Variants in TG observed in about 807,000 individuals in gnomAD.
TG encodes the protein thyroid hormones.
In TG, 270 loss-of-function variants were observed where a neutral mutation model predicts 324.7. The ratio of observed to expected loss-of-function variants is 0.83; its 90% CI spans 0.75 to 0.92. The LOEUF is 0.92. Ranked by LOEUF, TG falls within the 40% of genes least tolerant of loss-of-function variation. The pLI, the probability that TG is intolerant of heterozygous loss-of-function variation, is 0.00. For missense variants in TG, 3,591 were observed against 3,456.4 expected (o/e 1.04, Z -0.98); for synonymous variants, 1,401 against 1,327.0 (o/e 1.06, Z -1.21).
rs1396636806 is a variant in TG, at chr8:132,887,034, T to C, written c.1662T>C (p.Phe554=). Residue 554 remains phenylalanine (F), a synonymous_variant, in exon 9 of 48, where the codon TTT becomes TTC. Transcript: ENST00000220616. ...AGCCAACTGTGGGCAGCTTTGGCTT[T>C]GAAATTAACCTACAAGAGAACCAAA... ...MNKPTVGSFG[F]EINLQENQNA... is the part of the protein sequence containing the mutation. 2 of 1,614,168 alleles carry C rather than the reference T, an allele frequency of 1.2e-6. No individual in the cohort carries two copies. The highest frequency in any genetic ancestry group is 1.7e-6 in the Non-Finnish European group (2 of 1,180,034).
chr8:132,894,279 A>T (rs775117889), intron 11 of TG, among the ~76,000 whole-genome samples: 1 of 152,126 alleles, frequency 6.6e-6, no homozygotes, highest in Admixed American at 6.5e-5. Flanking sequence ...ATTTCCAGGG[A>T]TTCAGGAACA....
chr8:132,937,524 A>G (rs1022624050), intron 25 of TG, among the ~76,000 whole-genome samples: 2 of 145,304 alleles, frequency 1.4e-5, no homozygotes, highest in Non-Finnish European at 3.0e-5. Flanking sequence ...TCTAGTGACT[A>G]GGGTCACTCG....
chr8:132,910,030 CA>C (rs1465904094), intron 18 of TG, among the ~76,000 whole-genome samples: 1 of 152,148 alleles, frequency 6.6e-6, no homozygotes, highest in Non-Finnish European at 1.5e-5. Flanking sequence ...AACACATGTT[CA>C]AAAATCGTGC....
Position 132,901,405 on chromosome 8 carries a change from C to T in TG, c.3486C>T (p.Ser1162=). 2 of 1,614,224 alleles carry T rather than the reference C, an allele frequency of 1.2e-6. No homozygotes were observed. Among genetic ancestry groups the T allele is most frequent in the Non-Finnish European group, 1.7e-6 (2 of 1,180,048 alleles). Residue 1162 remains serine (S), a synonymous_variant, in exon 16 of 48, where the codon AGC becomes AGT. Coordinates refer to ENST00000220616, the MANE Select transcript of TG (RefSeq NM_003235.5). ...LKSGVLSRRV[S]PGYVPACRAE... is the part of the protein sequence containing the mutation. ...GTGGAGTCCTCTCCAGGAGAGTCAGCCCAGGCTATGTCCCAGCCTGCAGGG... is the reference window on the plus strand; with the variant it reads ...GTGGAGTCCTCTCCAGGAGAGTCAGTCCAGGCTATGTCCCAGCCTGCAGGG...
chr8:132,947,419 C>A (rs1825477784), intron 26 of TG, among the ~76,000 whole-genome samples: 1 of 152,288 alleles, frequency 6.6e-6, no homozygotes, highest in Admixed American at 6.5e-5. Context: ...TAAAAAAATT[C>A]AGAGATTCAC....
At chr8:133,013,917 G>GA (rs1834779937) in intron 37 of TG, among the ~76,000 whole-genome samples, 153 bp downstream of exon 37, 1 of 152,152 alleles carries the variant, frequency 6.6e-6, no homozygotes, top group Non-Finnish European at 1.5e-5. Context: ...AAGGAAGGTA[G>GA]AAAAAATTCC....
chr8:133,001,730 C>T (rs1322005190), intron 35 of TG: 1 of 985,242 alleles, frequency 1.0e-6, no homozygotes, highest in Non-Finnish European at 1.2e-6. Context: ...GCCGTACAGG[C>T]CTCCAAGGCA....
intron 41 of TG, among the ~76,000 whole-genome samples, chr8:133,066,681 A>G (rs766012162): frequency 1.3e-5 from 2 of 152,146 alleles, no homozygotes; most frequent in Admixed American, 6.5e-5. Context: ...CCAGCTCCCA[A>G]CCTACTGGCT....
chr8:133,007,543 A>G (rs1409366196), intron 35 of TG, among the ~76,000 whole-genome samples: 3 of 152,102 alleles, frequency 2.0e-5, no homozygotes, highest in Non-Finnish European at 4.4e-5. Context: ...TATTAGCTTC[A>G]TTTTTGGAGA....
intron 17 of TG, among the ~76,000 whole-genome samples, 193 bp from the exon 18 acceptor site, chr8:132,907,993 G>T (rs1818932629): frequency 6.6e-6 from 1 of 152,218 alleles, no homozygotes; most frequent in African/African-American, 2.4e-5. Context: ...AGCTTTCTGT[G>T]AGGGTGCTCA....
chr8:133,103,986 T>C (rs2131708277), intron 43 of TG, among the ~76,000 whole-genome samples: 1 of 152,258 alleles, frequency 6.6e-6, no homozygotes, highest in African/African-American at 2.4e-5. Flanking sequence ...GAGGAGGCGA[T>C]GGAATGGGGC....
At chr8:133,064,519 C>T (rs2248346) in intron 41 of TG, among the ~76,000 whole-genome samples, 121,691 of 152,184 alleles carry the variant, frequency 0.8, 48,824 homozygotes, top group Admixed American at 0.85. Flanking sequence ...CTGGAAACCT[C>T]ACATCTCCGG....
At chr8:133,131,511 T>C (rs1271777468) in intron 45 of TG, among the ~76,000 whole-genome samples, 6 of 152,196 alleles carry the variant, frequency 3.9e-5, no homozygotes, top group Admixed American at 3.3e-4. Flanking sequence ...GGTTAGAATA[T>C]GACCCAAAAA....
At chr8:133,124,393 C>G (rs1057354670) in intron 45 of TG, among the ~76,000 whole-genome samples, 2 of 152,182 alleles carry the variant, frequency 1.3e-5, no homozygotes, top group South Asian at 2.1e-4. Context: ...GATTAAACAT[C>G]TACTCACGCC....
chr8:132,989,310 G>A (rs1289388684), intron 35 of TG, among the ~76,000 whole-genome samples: 1 of 152,200 alleles, frequency 6.6e-6, no homozygotes, highest in African/African-American at 2.4e-5. Context: ...GAAAGCCAGG[G>A]TAAACACAGA....
At chr8:133,077,588 C>T (rs1845090951) in intron 41 of TG, among the ~76,000 whole-genome samples, 1 of 152,190 alleles carries the variant, frequency 6.6e-6, no homozygotes, top group South Asian at 2.1e-4. Flanking sequence ...GGTTTTGGCC[C>T]TGGGCCCAAC....
chr8:133,123,196 T>C (rs75911356), intron 45 of TG, among the ~76,000 whole-genome samples: 5,503 of 152,048 alleles, frequency 0.036, 354 homozygotes, highest in African/African-American at 0.13. Context: ...TAACAGTACC[T>C]GAAAGGAAGT....
intron 26 of TG, 42 bp from the exon 27 acceptor site, chr8:132,948,734 C>T: frequency 6.2e-7 from 1 of 1,607,290 alleles, no homozygotes. Context: ...CTAAAGGTCC[C>T]CCTCCATCAC....
chr8:132,869,706 C>G, intron 2 of TG, 23 bp from the exon 3 acceptor site: 1 of 1,611,628 alleles, frequency 6.2e-7, no homozygotes, highest in Non-Finnish European at 8.5e-7. Context: ...CCCAGGGTCA[C>G]CTGGTCTGTG....
Sources: gnomAD v4.1 joint callset for allele counts (sites outside exome capture counted in the v4.1 genomes callset) on GRCh38, gnomAD v4.1.1 for gene constraint, MANE v1.5 for transcripts, NCBI Gene and HGNC (gene_info 2026-07-23, HGNC 2026-07-21) for gene names.